The following AHCY variants were observed in gnomAD, a reference collection of about 807,000 sequenced individuals.
AHCY encodes S-adenosyl-L-homocysteine hydrolase.
AHCY carries 24 observed loss-of-function variants against 45.4 expected under a neutral mutation model. That is an observed-to-expected ratio of 0.53 (90% confidence interval 0.38 to 0.74). The LOEUF (loss-of-function observed/expected upper bound fraction) is 0.74, where lower values mean the gene tolerates loss of function less well. Ranked by LOEUF, AHCY falls within the 30% of genes least tolerant of loss-of-function variation. AHCY has a pLI of 0.00. For missense variants in AHCY, 449 were observed against 594.1 expected (o/e 0.76, Z 2.54); for synonymous variants, 245 against 235.1 (o/e 1.04, Z -0.39).
intron 8 of AHCY, among the ~76,000 whole-genome samples, chr20:34,288,252 G>C (rs2036252222): frequency 6.6e-6 from 1 of 152,176 alleles, no homozygotes; most frequent in African/African-American, 2.4e-5. Flanking sequence ...TCTGGGACTT[G>C]GGCTTCTGGT....
At chr20:34,269,412 CTGCTCT>C in the AHCY span, 5 of 499,988 alleles carry the variant, frequency 1.0e-5, no homozygotes, top group African/African-American at 2.0e-5. Flanking sequence ...GAGTCCCGCG[CTGCTCT>C]CCCGGGGCTC....
intron 8 of AHCY, among the ~76,000 whole-genome samples, 167 bp from the exon 9 acceptor site, chr20:34,285,801 T>C (rs554149066): frequency 3.6e-4 from 55 of 152,222 alleles, no homozygotes; most frequent in Non-Finnish European, 1.5e-5. Context: ...CCAATATTTA[T>C]TAAGAAATGT....
chr20:34,262,852 C>A, the AHCY span: 13 of 1,613,912 alleles, frequency 8.1e-6, no homozygotes, highest in Admixed American at 2.2e-4. Flanking sequence ...GAAATCCAAA[C>A]AGATCGGCAG....
Position 34,303,259 on chromosome 20 carries a change from T to A in AHCY, c.12A>T (p.Lys4Asn), listed in dbSNP as rs1425830204. The part of the protein sequence containing the change: MSD[K>N]LPYKVADIGL... ...GGGACTCACCGACTTTGTAGGGCAG[T>A]TTGTCAGACATGCTGGCGGCACTCG... The change falls in exon 1 of 10, where the codon AAA (lysine) becomes AAT (asparagine). Residue 4 changes from lysine to asparagine, a missense_variant. Coordinates refer to ENST00000217426, the MANE Select transcript of AHCY (RefSeq NM_000687.4). The A allele has an allele frequency of 6.4e-7, 1 of 1,551,644 alleles. No individual in the cohort carries two copies.
rs781639233 is a variant in AHCY, at chr20:34,292,419, A to T, written c.384T>A (p.Ile128=). ...LYFKDGPLNM[I]LDDGGDLTNL... is the part of the protein sequence containing the mutation. ...TGGTGAGGTCGCCCCCGTCGTCCAG[A>T]ATCATGTTGAGGGGCCCGTCCTTGA... The change falls in exon 4 of 10, where the codon ATT becomes ATA. Residue 128 remains isoleucine, a synonymous_variant. Coordinates refer to ENST00000217426, the MANE Select transcript of AHCY (RefSeq NM_000687.4). 1 of 1,613,958 alleles carries T rather than the reference A, an allele frequency of 6.2e-7. No homozygotes were observed. Among genetic ancestry groups the T allele is most frequent in the South Asian group, 1.1e-5 (1 of 91,064 alleles).
Position 34,295,449 on chromosome 20 carries a change from G to A in AHCY, c.165C>T (p.His55=), listed in dbSNP as rs2036544508. ...TGAGGACGGCCGTCTCCACGGTCAT[G>A]TGCAGGCAGCCAGCGATGCGGGCGC... ...LKGARIAGCL[H]MTVETAVLIE... is the part of the protein sequence containing the mutation. The change falls in exon 2 of 10, where the codon CAC becomes CAT. Residue 55 remains histidine, a synonymous_variant. Transcript: ENST00000217426. 5 of 1,614,174 alleles carry A rather than the reference G, an allele frequency of 3.1e-6. No individual in the cohort carries two copies. The highest frequency in any genetic ancestry group is 4.2e-6 in the Non-Finnish European group (5 of 1,180,048).
chr20:34,232,916 A>C, the AHCY span, among the ~76,000 whole-genome samples: 4 of 152,186 alleles, frequency 2.6e-5, no homozygotes, highest in Non-Finnish European at 5.9e-5. Flanking sequence ...GCCAGGTTGC[A>C]GTGCTGGATC....
At chr20:34,285,091 C>T (rs1261952106) in intron 9 of AHCY, among the ~76,000 whole-genome samples, 1 of 152,148 alleles carries the variant, frequency 6.6e-6, no homozygotes, top group Non-Finnish European at 1.5e-5. Context: ...GTTGCTATTA[C>T]CTTCATTTCA....
chr20:34,291,034 T>C (rs1282936350), intron 5 of AHCY, 96 bp from the exon 6 acceptor site: 43 of 1,242,888 alleles, frequency 3.5e-5, no homozygotes, highest in Non-Finnish European at 4.7e-5. Flanking sequence ...CCAGGCATCA[T>C]GGGCCCACCA....
At chr20:34,269,941 T>A in the AHCY span, among the ~76,000 whole-genome samples, 1 of 83,686 alleles carries the variant, frequency 1.2e-5, no homozygotes, top group Non-Finnish European at 2.0e-5. Flanking sequence ...CGAGAAACTC[T>A]GTCTTAAAAA....
the AHCY span, among the ~76,000 whole-genome samples, chr20:34,238,520 G>A: frequency 1.3e-5 from 2 of 151,632 alleles, no homozygotes; most frequent in African/African-American, 2.4e-5. Context: ...TTCTTTTTAG[G>A]TTTTCCATAT....
chr20:34,269,124 T>C, the AHCY span: 1 of 1,557,332 alleles, frequency 6.4e-7, no homozygotes, highest in East Asian at 2.4e-5. Flanking sequence ...TGCCGCTTCT[T>C]CCGCAGCGCC....
At chr20:34,311,443 C>G (rs77010264) in intron 1 of AHCY, 1 of 152,302 alleles carries the variant, frequency 6.6e-6, no homozygotes, top group Admixed American at 6.5e-5. Flanking sequence ...AAGCAGGTCC[C>G]GGTCCCTCCT....
At position 34,293,600 on chromosome 20, in the gene AHCY, G is replaced by A. The variant is rs1483505771; in HGVS notation, c.295+481C>T. 5 of 284,878 alleles carry A rather than the reference G, an allele frequency of 1.8e-5. No homozygotes were observed. The East Asian group carries it at 3.8e-4, about 21-fold the overall frequency. The allele number at this position is 284,878 out of a possible 1,614,324, so 17.6% of individuals were successfully genotyped here. A position where few individuals can be genotyped will look rare whatever the true frequency, so the allele number is the denominator to read the frequency against. On this transcript the variant is annotated intron_variant, in intron 3 of 9. Transcript: ENST00000217426. The stretch of plus-strand genomic sequence containing the variant: ...CCTGTGGTTGGTTAGAAGCAATCTT[G>A]AATGTCCTAATCACTGGGTCAGATC...
chr20:34,292,500 G>C lies in AHCY; in HGVS notation c.303C>G (p.Ala101=), dbSNP rs752121128. ...AIAKAGIPVY[A]WKGETDEEYL... ...ACTCCTCGTCCGTTTCGCCCTTCCA[G>C]GCATACACTGGAGGGTGAGTGGCAC... Residue 101 remains alanine, a synonymous_variant, in exon 4 of 10, where the codon GCC becomes GCG. Coordinates refer to ENST00000217426, the MANE Select transcript of AHCY (RefSeq NM_000687.4). The C allele has an allele frequency of 6.8e-6, 11 of 1,614,050 alleles. No individual in the cohort carries two copies. Among genetic ancestry groups the C allele is most frequent in the Non-Finnish European group, 9.3e-6 (11 of 1,180,038 alleles).
the AHCY span, among the ~76,000 whole-genome samples, chr20:34,235,672 T>C: frequency 2.0e-5 from 3 of 150,788 alleles, no homozygotes; most frequent in Admixed American, 2.0e-4. Flanking sequence ...TGGCCCCTAC[T>C]ACTCAGGAGG....
At chr20:34,266,279 G>GA in the AHCY span, among the ~76,000 whole-genome samples, 14 of 152,148 alleles carry the variant, frequency 9.2e-5, no homozygotes, top group East Asian at 2.7e-3. Context: ...GTGAACCCGG[G>GA]AGGCAGAGTA....
the AHCY span, among the ~76,000 whole-genome samples, chr20:34,235,737 A>G: frequency 2.3e-4 from 34 of 150,176 alleles, no homozygotes; most frequent in South Asian, 4.9e-3. Context: ...TGGGCTCATG[A>G]TAATGCCACT....
rs1266518431 is a variant in AHCY at position 34,290,514 on chromosome 20, C to A, written c.854+37G>T. On this transcript the variant is annotated intron_variant, in intron 7 of 9. Coordinates refer to ENST00000217426, the MANE Select transcript of AHCY (RefSeq NM_000687.4). This position sits in a 1 kb window ranked among gnomAD's most constrained non-coding sequence, Gnocchi z 4.5. Reference sequence around the variant, plus strand: ...AGAAAGCTGTCCCAACTCTGCCCTCCTCCCTCACTCCCCGGGACCCCCCAT... The same window carrying A: ...AGAAAGCTGTCCCAACTCTGCCCTCATCCCTCACTCCCCGGGACCCCCCAT... 1 of 1,613,730 alleles carries A rather than the reference C, an allele frequency of 6.2e-7. No individual in the cohort carries two copies. The highest frequency in any genetic ancestry group is 2.2e-5 in the East Asian group (1 of 44,898).
Sources: allele counts gnomAD v4.1 joint callset (sites outside exome capture counted in the v4.1 genomes callset), GRCh38; gene constraint gnomAD v4.1.1; non-coding constraint Gnocchi (gnomAD v3.1); transcripts MANE v1.5; gene names NCBI Gene and HGNC (gene_info 2026-07-23, HGNC 2026-07-21).